HOXD8: variants seen among roughly 807,000 people sequenced by gnomAD.
The protein encoded by HOXD8 is homeobox D8.
A neutral mutation model predicts 25.4 loss-of-function variants in HOXD8; 17 were observed. The observed-to-expected ratio is 0.67, with a 90% CI of 0.46 to 1.00. HOXD8 has a LOEUF of 1.00. HOXD8 is among the 50% of genes least tolerant of loss of function. HOXD8 has a pLI of 0.00. For synonymous variants in HOXD8, 203 were observed against 175.3 expected (o/e 1.16, Z -1.25); for missense variants, 511 against 398.5 (o/e 1.28, Z -2.40).
chr2:176,130,692 C>G lies in HOXD8; in HGVS notation c.326C>G (p.Pro109Arg). The G allele has an allele frequency of 1.3e-6, 2 of 1,587,300 alleles. No homozygotes were observed. Among genetic ancestry groups the G allele is most frequent in the Non-Finnish European group, 1.7e-6 (2 of 1,166,410 alleles). The change falls in exon 1 of 2, where the codon CCC becomes CGC. Residue 109 changes from proline (P) to arginine (R), a missense_variant. Physicochemically the swap from Pro to Arg is moderately radical, Grantham distance 103. Coordinates refer to ENST00000313173, the MANE Select transcript of HOXD8 (RefSeq NM_019558.4). Reference protein sequence around the residue: ...GSPAAAYQAAPPPPPHPPPPP... With the variant: ...GSPAAAYQAARPPPPHPPPPP... ...CCGGCCGCTGCCTACCAGGCCGCCC[C>G]CCCTCCTCCTCCGCATCCTCCGCCT... is the stretch of plus-strand genomic sequence containing the variant.
chr2:176,130,557 C>A lies in HOXD8; in HGVS notation c.191C>A (p.Ala64Glu). 4 of 1,464,668 alleles carry A rather than the reference C, an allele frequency of 2.7e-6. No homozygotes were observed. Among genetic ancestry groups the A allele is most frequent in the Non-Finnish European group, 2.7e-6 (3 of 1,118,544 alleles). 90.7% of individuals were successfully genotyped at this position (1,464,668 alleles called of 1,614,324 possible). A position where few individuals can be genotyped will look rare whatever the true frequency, so the allele number is the denominator to read the frequency against. Residue 64 changes from alanine (A) to glutamate (E), a missense_variant, in exon 1 of 2, where the codon GCG (alanine) becomes GAG (glutamate). Transcript: ENST00000313173. ...AACAGCGCCGCCGGCTTCCCGCACG[C>A]GCCCCCGCAGGCGCACGCGCACCCG... ...YGNSAAGFPH[A>E]PPQAHAHPHP...
At position 176,130,764 on chromosome 2, in the gene HOXD8, C is replaced by T. The variant is rs768607104; in HGVS notation, c.398C>T (p.Pro133Leu). The change falls in exon 1 of 2, where the codon CCC (proline) becomes CTC (leucine). Residue 133 changes from proline (P) to leucine (L), a missense_variant. Pro to Leu is a moderately conservative substitution (Grantham distance 98). Transcript: ENST00000313173. ...PCGGIACHGE[P>L]AKFYGYDNLQ... Reference sequence around the variant, plus strand: ...GGCGGGATTGCCTGTCACGGGGAGCCCGCGAAGTTTTACGGATACGATAAC... The same window carrying T: ...GGCGGGATTGCCTGTCACGGGGAGCTCGCGAAGTTTTACGGATACGATAAC... 4 of 1,611,372 alleles carry T rather than the reference C, an allele frequency of 2.5e-6. No homozygotes were observed. The highest frequency in any genetic ancestry group is 4.5e-5 in the East Asian group (2 of 44,542).
chr2:176,131,500 A>G lies in HOXD8; in HGVS notation c.761A>G (p.Lys254Arg). ...WFQNRRMKWK[K>R]ENNKDKFPVS... is the part of the protein sequence containing the mutation. ...CAGAACAGGAGAATGAAATGGAAAA[A>G]GGAAAACAACAAGGACAAATTTCCC... The change falls in exon 2 of 2, where the codon AAG becomes AGG. Residue 254 changes from lysine to arginine, a missense_variant. Coordinates refer to ENST00000313173, the MANE Select transcript of HOXD8 (RefSeq NM_019558.4). 1.2e-6 allele frequency: 2 copies of G among 1,613,878 alleles called. No homozygotes were observed. Among genetic ancestry groups the G allele is most frequent in the South Asian group, 2.2e-5 (2 of 91,064 alleles).
In HOXD8 at chr2:176,129,895, C is replaced by T. The variant is rs847163; in HGVS notation, c.-472C>T. The T allele has an allele frequency of 0.79, 183,244 of 232,412 alleles. 73,247 individuals are homozygous for T. The highest frequency in any genetic ancestry group is 0.92 in the African/African-American group (38,232 of 41,588). 14.4% of individuals were successfully genotyped at this position (232,412 alleles called of 1,614,324 possible). ...GTTTTTTTTCTTTTCCCTCCAGAGC[C>T]GGGGTTTGTAAACCGAGGCCAGAGT... On this transcript the variant is annotated 5_prime_UTR_variant, in exon 1 of 2. Transcript: ENST00000313173.
At position 176,131,656 on chromosome 2, in the gene HOXD8, C is replaced by A; in HGVS notation, c.*44C>A. The A allele has an allele frequency of 9.6e-7, 1 of 1,042,260 alleles. No homozygotes were observed. The highest frequency in any genetic ancestry group is 1.4e-6 in the Non-Finnish European group (1 of 704,434). 64.6% of individuals were successfully genotyped at this position (1,042,260 alleles called of 1,614,324 possible). ...ACCACAGACTATTAAAACTAATAAT[C>A]ACCATATGCTGTGGACACCACCTAT... On this transcript the variant is annotated 3_prime_UTR_variant, in exon 2 of 2. Transcript: ENST00000313173.
At chr2:176,130,975 A>G (rs552971699) in intron 1 of HOXD8, 32 bp downstream of exon 1, 2 of 1,387,250 alleles carry the variant, frequency 1.4e-6, no homozygotes, top group East Asian at 2.5e-5. Context: ...AAGAAGGGAG[A>G]GGGGGAGAAA....
rs1402967456 is a variant in HOXD8, at chr2:176,130,748, G to T, written c.382G>T (p.Ala128Ser). 3.1e-6 allele frequency: 5 copies of T among 1,610,388 alleles called. No homozygotes were observed. The highest frequency in any genetic ancestry group is 1.1e-5 in the South Asian group (1 of 90,638). Residue 128 changes from alanine to serine, a missense_variant, in exon 1 of 2, where the codon GCC (alanine) becomes TCC (serine). Coordinates refer to ENST00000313173, the MANE Select transcript of HOXD8 (RefSeq NM_019558.4). ...PPPPPPCGGI[A>S]CHGEPAKFYG... is the part of the protein sequence containing the mutation. ...GCCACCTCCCCCCTGCGGCGGGATT[G>T]CCTGTCACGGGGAGCCCGCGAAGTT...
chr2:176,131,767 T>C lies in HOXD8; in HGVS notation c.*155T>C. 1.7e-6 allele frequency: 1 copy of C among 594,620 alleles called. No homozygotes were observed. The allele number at this position is 594,620 out of a possible 1,614,324, so 36.8% of individuals were successfully genotyped here. On this transcript the variant is annotated 3_prime_UTR_variant, in exon 2 of 2. Transcript: ENST00000313173. ...GGTTTTCTGTGCTTTGAGAGGGATTTGGGTGTTTAAAAAAGTTTCTAGTAT... is the reference window on the plus strand; with the variant it reads ...GGTTTTCTGTGCTTTGAGAGGGATTCGGGTGTTTAAAAAAGTTTCTAGTAT...
In HOXD8 at chr2:176,130,918, A is replaced by C. The variant is rs555382258; in HGVS notation, c.552A>C (p.Gln184His). The C allele has an allele frequency of 6.1e-5, 97 of 1,596,928 alleles. No homozygotes were observed. The South Asian group carries it at 9.6e-4, about 16-fold the overall frequency. The change falls in exon 1 of 2, where the codon CAA becomes CAC. Residue 184 changes from glutamine (Q) to histidine (H), a missense_variant. Gln to His is a conservative substitution (Grantham distance 24). Transcript: ENST00000313173. The part of the protein sequence containing the change: ...DHLNQSSSPS[Q>H]MFPWMRPQAA... ...TAAATCAGAGCTCGTCTCCTTCTCAAATGTTTCCGTGGATGAGACCACAAG... is the reference window on the plus strand; with the variant it reads ...TAAATCAGAGCTCGTCTCCTTCTCACATGTTTCCGTGGATGAGACCACAAG...
At position 176,130,481 on chromosome 2, in the gene HOXD8, G is replaced by A. The variant is rs996193914; in HGVS notation, c.115G>A (p.Glu39Lys). The A allele has an allele frequency of 2.9e-5, 43 of 1,491,418 alleles. No homozygotes were observed. The highest frequency in any genetic ancestry group is 3.6e-5 in the Non-Finnish European group (41 of 1,127,236). The allele number at this position is 1,491,418 out of a possible 1,614,324, so 92.4% of individuals were successfully genotyped here. A position where few individuals can be genotyped will look rare whatever the true frequency, so the allele number is the denominator to read the frequency against. ...TTACTACGACTGTCACTTCGCGCCCGAGGTCGGCGGCCGTCACGCCGCCGC... is the reference window on the plus strand; with the variant it reads ...TTACTACGACTGTCACTTCGCGCCCAAGGTCGGCGGCCGTCACGCCGCCGC... ...PTYYDCHFAP[E>K]VGGRHAAAAA... Residue 39 changes from glutamate (E) to lysine (K), a missense_variant, in exon 1 of 2, where the codon GAG (glutamate) becomes AAG (lysine). Glu to Lys is a moderately conservative substitution (Grantham distance 56, BLOSUM62 1). Transcript: ENST00000313173.
Position 176,130,438 on chromosome 2 carries a change from C to G in HOXD8, c.72C>G (p.Gly24=). ...CGGCTGCGGCGGCGGCGGCGGCGGG[C>G]GAGGCCATCAATCCCACTTACTACG... is the stretch of plus-strand genomic sequence containing the variant. ...KAAAAAAAAA[G]EAINPTYYDC... is the part of the protein sequence containing the mutation. The change falls in exon 1 of 2, where the codon GGC becomes GGG. Residue 24 remains glycine (G), a synonymous_variant. Transcript: ENST00000313173. 1.3e-6 allele frequency: 2 copies of G among 1,489,010 alleles called. No homozygotes were observed. The highest frequency in any genetic ancestry group is 1.8e-6 in the Non-Finnish European group (2 of 1,125,974). The allele number at this position is 1,489,010 out of a possible 1,614,324, so 92.2% of individuals were successfully genotyped here. A position where few individuals can be genotyped will look rare whatever the true frequency, so the allele number is the denominator to read the frequency against.
rs762666469 is a variant in HOXD8, at chr2:176,131,567, A to G, written c.828A>G (p.Glu276=). 1.2e-6 allele frequency: 2 copies of G among 1,610,866 alleles called. No individual in the cohort carries two copies. The highest frequency in any genetic ancestry group is 1.7e-5 in the Admixed American group (1 of 59,274). ...TGAAGGACGGGGAAACGAAAAAGGA[A>G]GCCCAAGAGCTGGAGGAAGACAGAG... ...QEVKDGETKK[E]AQELEEDRAE... Residue 276 remains glutamate, a synonymous_variant, in exon 2 of 2, where the codon GAA becomes GAG. Transcript: ENST00000313173.
rs1418692847 is a variant in HOXD8, at chr2:176,131,632, C to T, written c.*20C>T. ...AATTAACTTCTACCTTTAAAATTTA[C>T]CACAGACTATTAAAACTAATAATCA... is the stretch of plus-strand genomic sequence containing the variant. On this transcript the variant is annotated 3_prime_UTR_variant, in exon 2 of 2. Transcript: ENST00000313173. 4 of 1,312,334 alleles carry T rather than the reference C, an allele frequency of 3.0e-6. No homozygotes were observed. The highest frequency in any genetic ancestry group is 4.2e-5 in the Admixed American group (2 of 47,504). The allele number at this position is 1,312,334 out of a possible 1,614,324, so 81.3% of individuals were successfully genotyped here.
chr2:176,131,258 A>G (rs1156639169), intron 1 of HOXD8, 59 bp from the exon 2 acceptor site: 1 of 1,498,466 alleles, frequency 6.7e-7, no homozygotes, highest in South Asian at 1.3e-5. Context: ...CAACATGCAG[A>G]GGTACCATAA....
Position 176,131,382 on chromosome 2 carries a change from G to A in HOXD8, c.643G>A (p.Glu215Lys), listed in dbSNP as rs770194492. The A allele has an allele frequency of 6.2e-7, 1 of 1,613,314 alleles. No homozygotes were observed. The highest frequency in any genetic ancestry group is 1.3e-5 in the African/African-American group (1 of 74,774). Residue 215 changes from glutamate to lysine, a missense_variant, in exon 2 of 2, where the codon GAA (glutamate) becomes AAA (lysine). Coordinates refer to ENST00000313173, the MANE Select transcript of HOXD8 (RefSeq NM_019558.4). ...SRFQTLELEK[E>K]FLFNPYLTRK... ...CTTCCAAACTCTAGAGTTGGAAAAG[G>A]AATTTCTTTTTAACCCCTATCTGAC... is the stretch of plus-strand genomic sequence containing the variant.
In HOXD8 at chr2:176,131,147, C is replaced by T. The variant is rs142055808; in HGVS notation, c.578-170C>T. ...GATGGGGACAGAATAATTGTGAAGACCTCTCTGCTCCTCTTGCCTGCACAC... is the reference window on the plus strand; with the variant it reads ...GATGGGGACAGAATAATTGTGAAGATCTCTCTGCTCCTCTTGCCTGCACAC... On this transcript the variant is annotated intron_variant, in intron 1 of 1. Transcript: ENST00000313173. Among the ~76,000 whole-genome samples the T allele has an allele frequency of 4.2e-3, 624 of 148,820 alleles. 10 individuals carry two copies. The highest frequency in any genetic ancestry group is 0.013 in the African/African-American group (548 of 41,214).
In HOXD8 at chr2:176,132,558, C is replaced by A. The variant is rs1690136095; in HGVS notation, c.*946C>A. The A allele has an allele frequency of 6.6e-6, 1 of 152,204 alleles. No homozygotes were observed. Among genetic ancestry groups the A allele is most frequent in the African/African-American group, 2.4e-5 (1 of 41,434 alleles). 9.4% of individuals were successfully genotyped at this position (152,204 alleles called of 1,614,324 possible). A position where few individuals can be genotyped will look rare whatever the true frequency, so the allele number is the denominator to read the frequency against. ...TGTGCATCTCAGACGTCGGTTGGTA[C>A]GTCCTCCGCTGTTCTTCAGGAAAGC... On this transcript the variant is annotated 3_prime_UTR_variant, in exon 2 of 2. Transcript: ENST00000313173.
At position 176,130,729 on chromosome 2, in the gene HOXD8, T is replaced by C. The variant is rs1161695621; in HGVS notation, c.363T>C (p.Pro121=). The C allele has an allele frequency of 6.2e-7, 1 of 1,605,100 alleles. No individual in the cohort carries two copies. The highest frequency in any genetic ancestry group is 2.3e-5 in the East Asian group (1 of 44,150). Residue 121 remains proline, a synonymous_variant, in exon 1 of 2, where the codon CCT becomes CCC. Coordinates refer to ENST00000313173, the MANE Select transcript of HOXD8 (RefSeq NM_019558.4). The part of the protein sequence containing the change: ...PPPHPPPPPP[P]PPCGGIACHG... ...CGCATCCTCCGCCTCCGCCGCCACC[T>C]CCCCCCTGCGGCGGGATTGCCTGTC... is the stretch of plus-strand genomic sequence containing the variant.
At chr2:176,131,291 C>T (rs768668513) in intron 1 of HOXD8, 26 bp from the exon 2 acceptor site, 7 of 1,560,026 alleles carry the variant, frequency 4.5e-6, no homozygotes, top group East Asian at 4.5e-5. Context: ...TTTTATTCCC[C>T]CCCCCTTTTT....
Sources: allele counts gnomAD v4.1 joint callset (sites outside exome capture counted in the v4.1 genomes callset), GRCh38; gene constraint gnomAD v4.1.1; transcripts MANE v1.5; gene names NCBI Gene and HGNC (gene_info 2026-07-23, HGNC 2026-07-21).